The following RERE variants were observed in gnomAD, a reference collection of about 807,000 sequenced individuals.
RERE encodes arginine-glutamic acid dipeptide repeats protein.
A neutral mutation model predicts 146.1 loss-of-function variants in RERE; 40 were observed. That is an observed-to-expected ratio of 0.27 (90% CI 0.21 to 0.36). The LOEUF (loss-of-function observed/expected upper bound fraction) is 0.36, where lower values mean the gene tolerates loss of function less well. RERE is among the 10% of genes least tolerant of loss of function. The pLI is 1.00. For missense variants in RERE, 1,933 were observed against 2,138.7 expected, an observed-to-expected ratio of 0.90 and a Z score of 1.90; for synonymous variants, 1,003 against 866.0, an observed-to-expected ratio of 1.16 and a Z score of -2.78.
intron 11 of RERE, among the ~76,000 whole-genome samples, chr1:8,455,670 G>A (rs1356790929): frequency 2.0e-5 from 3 of 152,130 alleles, no homozygotes; most frequent in Non-Finnish European, 4.4e-5. Context: ...AGCAATGTGA[G>A]GTTTCTCTTC....
rs562700955 is a variant in RERE, at chr1:8,362,561, C to T, written c.1902+122G>A. ...CCTAGGCCAGGACAATGCTGGTGTC[C>T]AGACAGGCTCCATGAATGAGCTGCA... On this transcript the variant is annotated intron_variant, in intron 16 of 22. Transcript: ENST00000400908. 4.6e-6 allele frequency: 6 copies of T among 1,309,238 alleles called. 1 individual carries two copies. In the South Asian group the frequency reaches 7.8e-5, roughly 17 times the overall value. The allele number at this position is 1,309,238 out of a possible 1,614,324, so 81.1% of individuals were successfully genotyped here.
chr1:8,647,443 C>G (rs1219170225), intron 2 of RERE, among the ~76,000 whole-genome samples: 1 of 152,168 alleles, frequency 6.6e-6, no homozygotes, highest in African/African-American at 2.4e-5. Context: ...ACATTAAGCT[C>G]TGCCTAAAGA....
chr1:8,771,771 G>A (rs1183896550), intron 1 of RERE, among the ~76,000 whole-genome samples: 11 of 151,446 alleles, frequency 7.3e-5, no homozygotes, highest in South Asian at 2.1e-4. Context: ...TTAGCCAGGC[G>A]CGGTGGCGGG....
intron 1 of RERE, among the ~76,000 whole-genome samples, chr1:8,789,581 T>A (rs187674019): frequency 1.3e-5 from 2 of 152,100 alleles, no homozygotes; most frequent in Admixed American, 6.6e-5. Context: ...CTCTCCAGTC[T>A]CTGGCTGACG....
At chr1:8,808,150 A>AC (rs1304724297) in intron 1 of RERE, among the ~76,000 whole-genome samples, 4 of 149,892 alleles carry the variant, frequency 2.7e-5, no homozygotes, top group Non-Finnish European at 6.0e-5. Context: ...CTTGTCTCAA[A>AC]AAAAAAAAAA....
chr1:8,696,946 C>CA (rs78819107), intron 1 of RERE, among the ~76,000 whole-genome samples: 222 of 143,788 alleles, frequency 1.5e-3, no homozygotes, highest in African/African-American at 3.9e-3. Context: ...TTGAAATTAT[C>CA]AAAAAAAAAA....
intron 1 of RERE, among the ~76,000 whole-genome samples, chr1:8,692,530 G>A (rs1033303782): frequency 7.9e-5 from 12 of 151,846 alleles, no homozygotes; most frequent in African/African-American, 2.9e-4. Flanking sequence ...TGTATTTTTA[G>A]TAGAGACAGG....
chr1:8,723,457 CATT>C (rs938242849), intron 1 of RERE, among the ~76,000 whole-genome samples: 1 of 152,028 alleles, frequency 6.6e-6, no homozygotes, highest in African/African-American at 2.4e-5. Context: ...AAACACTAAT[CATT>C]GTTTTTTTTT....
chr1:8,694,168 G>A (rs918584493), intron 1 of RERE, among the ~76,000 whole-genome samples: 1 of 152,032 alleles, frequency 6.6e-6, no homozygotes, highest in African/African-American at 2.4e-5. Flanking sequence ...CATCCAAACA[G>A]GAAAAGAAGA....
chr1:8,553,340 C>T (rs886403918), intron 6 of RERE, among the ~76,000 whole-genome samples: 5 of 151,494 alleles, frequency 3.3e-5, no homozygotes, highest in Non-Finnish European at 7.4e-5. Context: ...AATTGCACCA[C>T]TAGGCCAGCA....
chr1:8,654,625 G>GTTTTTTT (rs1457159066), intron 2 of RERE, among the ~76,000 whole-genome samples: 4 of 148,122 alleles, frequency 2.7e-5, no homozygotes, highest in African/African-American at 1.0e-4. Context: ...AAAGGATCTT[G>GTTTTTTT]TTTTGTTTTT....
chr1:8,625,272 A>T (rs1171284050), intron 2 of RERE, among the ~76,000 whole-genome samples: 2 of 152,162 alleles, frequency 1.3e-5, no homozygotes, highest in Non-Finnish European at 1.5e-5. Context: ...GTTGCTTTTT[A>T]AAATGCCATG....
chr1:8,776,235 A>G (rs1641061615), intron 1 of RERE, among the ~76,000 whole-genome samples: 1 of 152,172 alleles, frequency 6.6e-6, no homozygotes, highest in Non-Finnish European at 1.5e-5. Flanking sequence ...TTCACTTTAA[A>G]TAGCTCAGTA....
Position 8,779,129 on chromosome 1 carries a change from G to A in RERE, c.-145+38031C>T, listed in dbSNP as rs751636471. ...CCCAAAATGCTGGGATTACAGGCAT[G>A]AGCCACCACGCCCACTCCAGTTACT... On this transcript the variant is annotated intron_variant, in intron 1 of 22. Coordinates refer to ENST00000400908, the MANE Select transcript of RERE (RefSeq NM_001042681.2). Among the ~76,000 whole-genome samples, 4 of 151,692 alleles carry A rather than the reference G, an allele frequency of 2.6e-5. 1 individual carries two copies. The highest frequency in any genetic ancestry group is 4.2e-4 in the South Asian group (2 of 4,816).
chr1:8,376,273 T>C (rs1048253500), intron 12 of RERE, among the ~76,000 whole-genome samples: 2 of 152,210 alleles, frequency 1.3e-5, no homozygotes, highest in Non-Finnish European at 2.9e-5. Context: ...TTCGCAGTTA[T>C]GGCTGAGGAG....
intron 4 of RERE, among the ~76,000 whole-genome samples, chr1:8,578,615 A>G (rs1174740544): frequency 6.6e-6 from 1 of 152,062 alleles, no homozygotes; most frequent in Non-Finnish European, 1.5e-5. Context: ...TCTATCACTA[A>G]TATTAAAACA....
At chr1:8,500,742 C>G (rs1311256436) in intron 8 of RERE, among the ~76,000 whole-genome samples, 2 of 150,542 alleles carry the variant, frequency 1.3e-5, no homozygotes, top group African/African-American at 2.4e-5. Flanking sequence ...TCTGCCCGGC[C>G]GCCATCCCAT....
intron 7 of RERE, among the ~76,000 whole-genome samples, chr1:8,539,080 A>G (rs546674487): frequency 3.5e-4 from 53 of 152,338 alleles, no homozygotes; most frequent in African/African-American, 1.2e-3. Flanking sequence ...TTGAAGAGTT[A>G]AAAGACAAAA....
intron 1 of RERE, among the ~76,000 whole-genome samples, chr1:8,690,146 C>T (rs1639179543): frequency 6.6e-6 from 1 of 152,180 alleles, no homozygotes; most frequent in Non-Finnish European, 1.5e-5. Context: ...CTTGCAGTTT[C>T]GGAGTCTCAG....
Sources: gnomAD v4.1 joint callset for allele counts (sites outside exome capture counted in the v4.1 genomes callset) on GRCh38, gnomAD v4.1.1 for gene constraint, MANE v1.5 for transcripts, NCBI Gene and HGNC (gene_info 2026-07-23, HGNC 2026-07-21) for gene names.